Variants in CDH23 observed in about 807,000 individuals in gnomAD.
The protein encoded by CDH23 is cadherin-23.
Under a neutral mutation model 317.1 loss-of-function variants are expected in CDH23, and 189 were observed. The ratio of observed to expected loss-of-function variants is 0.60; its 90% CI spans 0.53 to 0.67. CDH23 has a LOEUF of 0.67. Ranked by LOEUF, CDH23 falls within the 30% of genes least tolerant of loss-of-function variation. The probability of loss-of-function intolerance (pLI) is 0.00; values close to 1 mark genes in which losing one functional copy is unlikely to be tolerated. For missense variants in CDH23, 4,401 were observed against 4,592.4 expected, an observed-to-expected ratio of 0.96 and a Z score of 1.20; for synonymous variants, 1,839 against 1,876.8, an observed-to-expected ratio of 0.98 and a Z score of 0.52.
intron 6 of CDH23, among the ~76,000 whole-genome samples, chr10:71,548,337 T>C (rs1349438297): frequency 6.6e-6 from 1 of 152,130 alleles, no homozygotes; most frequent in Non-Finnish European, 1.5e-5. Context: ...CCTAATCCAG[T>C]GGCCTCAGAG....
In CDH23 at chr10:71,815,192, G is replaced by C. The variant is rs200733236; in HGVS notation, c.9979G>C (p.Ala3327Pro). Residue 3327 changes from alanine to proline, a missense_variant, in exon 70 of 70, where the codon GCC becomes CCC. Ala to Pro is a conservative substitution (Grantham distance 27). Around this residue, in one of 3 missense-constraint regions of CDH23, gnomAD observed 1,144 missense variants for 1,138.2 expected, o/e 1.01. Transcript: ENST00000224721. ...CGAGGCCACTGCCTTCGAGCGCAAC[G>C]CCCGCACAGAATCCGCCAAATCCAC... ...AAEATAFERN[A>P]RTESAKSTPL... is the part of the protein sequence containing the mutation. 6.2e-7 allele frequency: 1 copy of C among 1,608,432 alleles called. No individual in the cohort carries two copies. The highest frequency in any genetic ancestry group is 8.5e-7 in the Non-Finnish European group (1 of 1,176,488).
At chr10:71,795,544 C>A (rs376118105) in intron 48 of CDH23, 69 of 152,558 alleles carry the variant, frequency 4.5e-4, no homozygotes, top group Admixed American at 1.3e-3. Context: ...TCTTCTCTGC[C>A]CCCTCCTCCT....
At position 71,692,514 on chromosome 10, in the gene CDH23, G is replaced by GTTAATTTTAATTAATTTT. The variant is rs1865223963; in HGVS notation, c.2177-1633_2177-1632insTTAATTTTAATTAATTTT. 3.3e-5 allele frequency among the ~76,000 whole-genome samples: 5 copies of GTTAATTTTAATTAATTTT among 152,322 alleles called. No individual in the cohort carries two copies. In the South Asian group the frequency reaches 1.0e-3, roughly 32 times the overall value. On this transcript the variant is annotated intron_variant, in intron 20 of 69. Coordinates refer to ENST00000224721, the MANE Select transcript of CDH23 (RefSeq NM_022124.6). Reference sequence around the variant, plus strand: ...ACAAGTTCACGTTTAAAACTTTTTAGAGATTAATTTCTTCCTCGCCCTGCC... The same window carrying GTTAATTTTAATTAATTTT: ...ACAAGTTCACGTTTAAAACTTTTTAGTTAATTTTAATTAATTTTAGATTAATTTCTTCCTCGCCCTGCC...
At chr10:71,761,555 G>C in intron 38 of CDH23, 1 of 1,509,844 alleles carries the variant, frequency 6.6e-7, no homozygotes, top group Non-Finnish European at 8.8e-7. Flanking sequence ...CAGACAGGCA[G>C]CCCTCCACAC....
intron 2 of CDH23, among the ~76,000 whole-genome samples, chr10:71,441,114 G>A (rs970140701): frequency 2.0e-5 from 3 of 152,130 alleles, no homozygotes; most frequent in Admixed American, 6.5e-5. Context: ...AGCCTCAGGC[G>A]CTTTTTTAAC....
intron 9 of CDH23, among the ~76,000 whole-genome samples, chr10:71,608,938 G>A (rs548367789): frequency 6.6e-6 from 1 of 152,354 alleles, no homozygotes; most frequent in South Asian, 2.1e-4. Flanking sequence ...TGTTAGCCCA[G>A]CGGAGCAGAC....
intron 10 of CDH23, 81 bp downstream of exon 10, chr10:71,615,697 C>G: frequency 1.0e-6 from 1 of 975,790 alleles, no homozygotes; most frequent in Non-Finnish European, 1.6e-6. Flanking sequence ...TGTCCGAGGG[C>G]TCCTGCCCCC....
intron 1 of CDH23, among the ~76,000 whole-genome samples, chr10:71,402,943 C>T (rs1451504418): frequency 6.6e-6 from 1 of 151,942 alleles, no homozygotes; most frequent in Non-Finnish European, 1.5e-5. Context: ...GGTGAAACCA[C>T]GTCTCTACTA....
At chr10:71,520,985 C>T (rs10762452) in intron 6 of CDH23, among the ~76,000 whole-genome samples, 83,866 of 151,860 alleles carry the variant, frequency 0.55, 24,181 homozygotes, top group Non-Finnish European at 0.63. Flanking sequence ...TCTCTGATTC[C>T]TTAGCAGCCT....
At chr10:71,541,990 C>G (rs780091135) in intron 6 of CDH23, among the ~76,000 whole-genome samples, 2 of 152,202 alleles carry the variant, frequency 1.3e-5, no homozygotes, top group Admixed American at 6.5e-5. Context: ...ATTTGGCCCA[C>G]AGACCATAGT....
chr10:71,809,789 G>T, intron 60 of CDH23, 31 bp from the exon 61 acceptor site: 1 of 1,601,520 alleles, frequency 6.2e-7, no homozygotes, highest in South Asian at 1.1e-5. Context: ...CTGAGTCTCT[G>T]AGCCGTACCC....
chr10:71,784,869 C>T, intron 42 of CDH23, 22 bp from the exon 43 acceptor site: 6 of 1,605,166 alleles, frequency 3.7e-6, no homozygotes, highest in Non-Finnish European at 5.1e-6. Flanking sequence ...TCCCCTCCCT[C>T]CTCCTTCTCT....
rs1288266457 is a variant in CDH23 at position 71,586,218 on chromosome 10, G to A, written c.832+8226G>A. The stretch of plus-strand genomic sequence containing the variant: ...GGTTTCTAGCTCATGGCTGGAGGTT[G>A]TTTTGGTGGGCGATTCTGGTTACCA... On this transcript the variant is annotated intron_variant, in intron 9 of 69. Transcript: ENST00000224721. Among the ~76,000 whole-genome samples the A allele has an allele frequency of 2.6e-5, 4 of 152,180 alleles. No individual in the cohort carries two copies. The East Asian group carries it at 7.7e-4, about 29-fold the overall frequency.
rs1363585152 is a variant in CDH23 at position 71,738,595 on chromosome 10, A to C, written c.4307A>C (p.Gln1436Pro). 1.2e-6 allele frequency: 2 copies of C among 1,613,828 alleles called. No homozygotes were observed. The highest frequency in any genetic ancestry group is 1.7e-6 in the Non-Finnish European group (2 of 1,179,876). The change falls in exon 35 of 70, where the codon CAG becomes CCG. Residue 1436 changes from glutamine to proline, a missense_variant. By Grantham distance (76) the Gln-to-Pro change is moderately conservative. This residue lies in a region of CDH23 where 3,068 missense variants were observed against 3,203.3 expected (regional missense o/e 0.96). Transcript: ENST00000224721. ...VSIPEDCPVG[Q>P]RVATVKAWDP... ...ATACCCGAGGACTGCCCTGTGGGCC[A>C]GCGAGTGGCTACTGTCAAGGCCTGG... is the stretch of plus-strand genomic sequence containing the variant.
intron 11 of CDH23, among the ~76,000 whole-genome samples, chr10:71,624,189 A>C (rs1861601307): frequency 6.6e-6 from 1 of 152,156 alleles, no homozygotes; most frequent in Non-Finnish European, 1.5e-5. Flanking sequence ...CGGTTCCGGC[A>C]AACCCAGCTC....
intron 19 of CDH23, among the ~76,000 whole-genome samples, chr10:71,690,042 T>C (rs2132704494): frequency 6.6e-6 from 1 of 152,274 alleles, no homozygotes; most frequent in Non-Finnish European, 1.5e-5. Context: ...CCCTTATAAA[T>C]TCCCCTGAAC....
Position 71,514,174 on chromosome 10 carries a change from G to A in CDH23, c.429+2962G>A, listed in dbSNP as rs578131235. Among the ~76,000 whole-genome samples, 28 of 152,234 alleles carry A rather than the reference G, an allele frequency of 1.8e-4. No individual in the cohort carries two copies. The South Asian group carries it at 5.2e-3, about 28-fold the overall frequency. On this transcript the variant is annotated intron_variant, in intron 6 of 69. Coordinates refer to ENST00000224721, the MANE Select transcript of CDH23 (RefSeq NM_022124.6). Reference sequence around the variant, plus strand: ...CAGCCATCTAGCACTGCGTGTTGGGGAAGTGATGAATCAGAGGGTCCCAAA... The same window carrying A: ...CAGCCATCTAGCACTGCGTGTTGGGAAAGTGATGAATCAGAGGGTCCCAAA...
At chr10:71,574,324 C>T (rs1467332160) in intron 8 of CDH23, among the ~76,000 whole-genome samples, 2 of 152,196 alleles carry the variant, frequency 1.3e-5, no homozygotes, top group Non-Finnish European at 2.9e-5. Context: ...TTTCCTCACT[C>T]GAGCAGCAGC....
chr10:71,478,389 G>C (rs910175918), intron 3 of CDH23, among the ~76,000 whole-genome samples: 5 of 152,142 alleles, frequency 3.3e-5, no homozygotes, highest in African/African-American at 1.2e-4. Context: ...CCTCTGCCTA[G>C]TGCCCTCCCC....
Sources: allele counts gnomAD v4.1 joint callset (sites outside exome capture counted in the v4.1 genomes callset), GRCh38; gene constraint gnomAD v4.1.1; regional missense constraint gnomAD v4.1.1; transcripts MANE v1.5; gene names NCBI Gene and HGNC (gene_info 2026-07-23, HGNC 2026-07-21).